The following TSEN15 variants were observed in gnomAD, a reference collection of about 807,000 sequenced individuals.
TSEN15 encodes tRNA-splicing endonuclease subunit Sen15.
Under a neutral mutation model 20.5 loss-of-function variants are expected in TSEN15, and 10 were observed. That is an observed-to-expected ratio of 0.49 (90% confidence interval 0.30 to 0.83). TSEN15 has a LOEUF of 0.83. Ranked by LOEUF, TSEN15 falls within the 40% of genes least tolerant of loss-of-function variation. The pLI is 0.06. For synonymous variants in TSEN15, 72 were observed against 80.1 expected, an observed-to-expected ratio of 0.90 and a Z score of 0.54; for missense variants, 180 against 218.6, an observed-to-expected ratio of 0.82 and a Z score of 1.11.
chr1:184,092,362 A>G (rs969636228), intron 3 of TSEN15, among the ~76,000 whole-genome samples: 4 of 152,266 alleles, frequency 2.6e-5, no homozygotes, highest in African/African-American at 9.6e-5. Context: ...TCTACAGACT[A>G]GGAAATAAGT....
At chr1:184,086,519 C>G (rs1019252622) in intron 3 of TSEN15, among the ~76,000 whole-genome samples, 7 of 152,182 alleles carry the variant, frequency 4.6e-5, no homozygotes, top group African/African-American at 1.7e-4. Flanking sequence ...GGCTCAGGGT[C>G]TCTCATGAGG....
chr1:184,065,067 G>T (rs559367048), intron 3 of TSEN15, among the ~76,000 whole-genome samples: 1 of 152,230 alleles, frequency 6.6e-6, no homozygotes, highest in East Asian at 1.9e-4. Context: ...TGTCCAAAAA[G>T]AAATCTTGAT....
At chr1:184,093,918 G>A (rs556347976) in intron 3 of TSEN15, 2 of 152,284 alleles carry the variant, frequency 1.3e-5, no homozygotes, top group African/African-American at 4.8e-5. Flanking sequence ...TATTTTGGGT[G>A]CAGAAATATT....
chr1:184,090,316 T>C (rs901397076), intron 3 of TSEN15, among the ~76,000 whole-genome samples: 6 of 152,140 alleles, frequency 3.9e-5, no homozygotes, highest in African/African-American at 1.2e-4. Context: ...AGGCTTGGGA[T>C]GGAGGGTATG....
intron 3 of TSEN15, among the ~76,000 whole-genome samples, chr1:184,056,365 A>G (rs1440488130): frequency 6.6e-6 from 1 of 152,058 alleles, no homozygotes; most frequent in African/African-American, 2.4e-5. Flanking sequence ...TATTATTTAT[A>G]AGAAATATCT....
chr1:184,088,238 G>A (rs1054195157), intron 3 of TSEN15, among the ~76,000 whole-genome samples: 2 of 152,126 alleles, frequency 1.3e-5, no homozygotes, highest in Non-Finnish European at 2.9e-5. Flanking sequence ...TTATCTTAGC[G>A]GTAGGAGCTC....
chr1:184,079,542 C>G (rs1656447002), intron 3 of TSEN15, among the ~76,000 whole-genome samples: 1 of 152,050 alleles, frequency 6.6e-6, no homozygotes, highest in South Asian at 2.1e-4. Context: ...ATGGCCTTTC[C>G]TCTGTGGGGC....
At chr1:184,059,097 A>G (rs574079065) in intron 3 of TSEN15, among the ~76,000 whole-genome samples, 1 of 150,396 alleles carries the variant, frequency 6.6e-6, no homozygotes, top group South Asian at 2.1e-4. Context: ...CTTTGTTCAG[A>G]TATTTAATTG....
At chr1:184,071,578 T>A (rs971902845) in intron 3 of TSEN15, among the ~76,000 whole-genome samples, 1 of 151,804 alleles carries the variant, frequency 6.6e-6, no homozygotes, top group African/African-American at 2.4e-5. Flanking sequence ...GAAATTGTGA[T>A]AAACTAAGAC....
At chr1:184,096,868 C>A (rs1651464139) in exon 4 of TSEN15, 1 of 152,208 alleles carries the variant, frequency 6.6e-6, no homozygotes, top group African/African-American at 2.4e-5. Flanking sequence ...CCCCATGATT[C>A]AGTTACCTCC....
intron 3 of TSEN15, among the ~76,000 whole-genome samples, chr1:184,080,175 C>T (rs192710081): frequency 6.6e-6 from 1 of 152,260 alleles, no homozygotes; most frequent in African/African-American, 2.4e-5. Context: ...ATTACAAGGA[C>T]AACATTATAT....
rs545967734 is a variant in TSEN15, at chr1:184,071,037, A to G, written c.354-1120A>G. The G allele has an allele frequency of 6.2e-4, 96 of 155,976 alleles. 2 individuals are homozygous for G. In the South Asian group the frequency reaches 0.018, roughly 30 times the overall value. 9.7% of individuals were successfully genotyped at this position (155,976 alleles called of 1,614,324 possible). On this transcript the variant is annotated intron_variant, in intron 3 of 4. Coordinates refer to ENST00000645668, the MANE Select transcript of TSEN15 (RefSeq NM_052965.4). The stretch of plus-strand genomic sequence containing the variant: ...CCAATTTGCAAGGTAGCAAAGTTGT[A>G]TATATACTACATAATATGACCACTT...
chr1:184,078,220 C>A (rs1651101126), downstream of TSEN15, among the ~76,000 whole-genome samples: 1 of 152,162 alleles, frequency 6.6e-6, no homozygotes, highest in African/African-American at 2.4e-5. Flanking sequence ...TTATTACTTG[C>A]TGAAGCCTCA....
Sources: allele counts gnomAD v4.1 joint callset (sites outside exome capture counted in the v4.1 genomes callset), GRCh38; gene constraint gnomAD v4.1.1; transcripts MANE v1.5; gene names NCBI Gene and HGNC (gene_info 2026-07-23, HGNC 2026-07-21).